Variants in SCLT1 observed in about 807,000 individuals in gnomAD.
SCLT1 encodes sodium channel and clathrin linker 1, also known as sodium channel-associated protein 1.
In SCLT1, 78 loss-of-function variants were observed where a neutral mutation model predicts 112.8. That is an observed-to-expected ratio of 0.69 (90% CI 0.58 to 0.83). The LOEUF (loss-of-function observed/expected upper bound fraction) is 0.83. Ranked by LOEUF, SCLT1 falls within the 40% of genes least tolerant of loss-of-function variation. The pLI, the probability that SCLT1 is intolerant of heterozygous loss-of-function variation, is 0.00. For synonymous variants in SCLT1, 257 were observed against 254.7 expected (o/e 1.01, Z -0.09); for missense variants, 747 against 770.4 (o/e 0.97, Z 0.36).
At chr4:128,982,470 T>C (rs562733418) in intron 9 of SCLT1, among the ~76,000 whole-genome samples, 1 of 152,280 alleles carries the variant, frequency 6.6e-6, no homozygotes, top group South Asian at 2.1e-4. Flanking sequence ...ATAATATCTA[T>C]GTCTGTTAAT....
chr4:128,893,483 G>T (rs910707737), intron 18 of SCLT1, among the ~76,000 whole-genome samples: 3 of 152,148 alleles, frequency 2.0e-5, no homozygotes, highest in Non-Finnish European at 2.9e-5. Flanking sequence ...AATGTGCCAG[G>T]CACTGTTCTA....
intron 18 of SCLT1, among the ~76,000 whole-genome samples, chr4:128,905,998 G>A (rs934639650): frequency 6.6e-6 from 1 of 152,082 alleles, no homozygotes; most frequent in African/African-American, 2.4e-5. Flanking sequence ...CTCCTAAGGA[G>A]AAGCTACATT....
At chr4:129,049,133 T>C (rs1395420250) in intron 2 of SCLT1, among the ~76,000 whole-genome samples, 1 of 151,930 alleles carries the variant, frequency 6.6e-6, no homozygotes, top group Non-Finnish European at 1.5e-5. Flanking sequence ...TTACTGGGTA[T>C]ATACCCAAAG....
intron 17 of SCLT1, 47 bp from the exon 18 acceptor site, chr4:128,936,898 T>C: frequency 1.2e-6 from 1 of 852,266 alleles, no homozygotes; most frequent in Non-Finnish European, 1.7e-6. Context: ...TTCTTATAGG[T>C]GCTATACAGA....
At chr4:128,936,616 C>T (rs764842179) in intron 18 of SCLT1, 39 bp downstream of exon 18, 4 of 1,297,592 alleles carry the variant, frequency 3.1e-6, no homozygotes, top group Non-Finnish European at 3.2e-6. Flanking sequence ...TAAAGAATTT[C>T]TTCTGTAAAA....
intron 2 of SCLT1, among the ~76,000 whole-genome samples, chr4:129,050,158 G>C (rs1215151845): frequency 6.6e-6 from 1 of 152,142 alleles, no homozygotes; most frequent in African/African-American, 2.4e-5. Context: ...ATTTGGGTTG[G>C]TTCCAAGTCT....
At position 129,042,308 on chromosome 4, in the gene SCLT1, A is replaced by T. The variant is rs373735058; in HGVS notation, c.234+1087T>A. Among the ~76,000 whole-genome samples the T allele has an allele frequency of 3.9e-5, 6 of 152,330 alleles. No individual in the cohort carries two copies. The East Asian group carries it at 1.2e-3, about 29-fold the overall frequency. Reference sequence around the variant, plus strand: ...AAATTCTAGGGGAAAATGTTAAAAGACATTTTCAGATCAAAGAAACACATT... The same window carrying T: ...AAATTCTAGGGGAAAATGTTAAAAGTCATTTTCAGATCAAAGAAACACATT... On this transcript the variant is annotated intron_variant, in intron 4 of 20. Coordinates refer to ENST00000281142, the MANE Select transcript of SCLT1 (RefSeq NM_144643.4).
chr4:129,008,175 T>A (rs1240141725), intron 5 of SCLT1, among the ~76,000 whole-genome samples: 1 of 152,220 alleles, frequency 6.6e-6, no homozygotes. Flanking sequence ...AACTTTATTC[T>A]AGGATGATTT....
chr4:129,076,309 CTA>C (rs1244540520), intron 2 of SCLT1, among the ~76,000 whole-genome samples: 2 of 152,088 alleles, frequency 1.3e-5, no homozygotes, highest in African/African-American at 4.8e-5. Flanking sequence ...TATATTTAGA[CTA>C]TGATGTTTTT....
At chr4:129,004,740 A>G (rs1743842317) in intron 5 of SCLT1, among the ~76,000 whole-genome samples, 1 of 151,894 alleles carries the variant, frequency 6.6e-6, no homozygotes, top group Admixed American at 6.6e-5. Flanking sequence ...TTGAAACAAG[A>G]AAACTTAAAT....
intron 18 of SCLT1, among the ~76,000 whole-genome samples, chr4:128,914,091 C>G (rs969959926): frequency 6.6e-6 from 1 of 152,080 alleles, no homozygotes; most frequent in South Asian, 2.1e-4. Flanking sequence ...TATTGCCGGG[C>G]GCGGTGGCTC....
At chr4:128,905,207 G>A (rs1734602431) in intron 18 of SCLT1, among the ~76,000 whole-genome samples, 1 of 152,044 alleles carries the variant, frequency 6.6e-6, no homozygotes, top group South Asian at 2.1e-4. Flanking sequence ...CCATCTACCT[G>A]GCTGCTCAAG....
chr4:128,977,638 C>T (rs28495758), intron 9 of SCLT1, among the ~76,000 whole-genome samples: 104 of 151,992 alleles, frequency 6.8e-4, no homozygotes, highest in African/African-American at 2.4e-3. Flanking sequence ...CTGAAGAAAA[C>T]TTAGGGTAGG....
intron 17 of SCLT1, among the ~76,000 whole-genome samples, chr4:128,939,935 C>G (rs968543035): frequency 6.6e-6 from 1 of 152,134 alleles, no homozygotes; most frequent in Non-Finnish European, 1.5e-5. Flanking sequence ...AGCAATTTAT[C>G]TTACAGCCTT....
At chr4:129,045,062 G>A (rs1035002988) in intron 2 of SCLT1, among the ~76,000 whole-genome samples, 2 of 151,988 alleles carry the variant, frequency 1.3e-5, no homozygotes, top group Non-Finnish European at 2.9e-5. Flanking sequence ...GTACTGGATA[G>A]CAAAACAAAA....
In SCLT1 at chr4:129,016,038, G is replaced by A. The variant is rs745630785; in HGVS notation, c.291-12162C>T. 9.3e-5 allele frequency among the ~76,000 whole-genome samples: 14 copies of A among 151,094 alleles called. No individual in the cohort carries two copies. The South Asian group carries it at 1.2e-3, about 13-fold the overall frequency. ...TAAGTTGCACTTGATTAATTATCTTGTTATGTCTCATTTCCATTGTATTTT... is the reference window on the plus strand; with the variant it reads ...TAAGTTGCACTTGATTAATTATCTTATTATGTCTCATTTCCATTGTATTTT... On this transcript the variant is annotated intron_variant, in intron 5 of 20. Transcript: ENST00000281142.
At chr4:128,985,384 AT>A (rs1464688636) in intron 9 of SCLT1, among the ~76,000 whole-genome samples, 1 of 152,146 alleles carries the variant, frequency 6.6e-6, no homozygotes, top group African/African-American at 2.4e-5. Context: ...TCACACTGTA[AT>A]TTTTTGGCCT....
At chr4:129,002,462 T>C (rs539023417) in intron 6 of SCLT1, among the ~76,000 whole-genome samples, 63 of 152,138 alleles carry the variant, frequency 4.1e-4, no homozygotes, top group Non-Finnish European at 8.8e-4. Flanking sequence ...ACTCTTAATA[T>C]TCTGAAAACA....
At chr4:128,903,204 A>G (rs1415374301) in intron 18 of SCLT1, among the ~76,000 whole-genome samples, 1 of 152,214 alleles carries the variant, frequency 6.6e-6, no homozygotes, top group South Asian at 2.1e-4. Context: ...CATATGCTAT[A>G]CTTTTATAAG....
Sources: gnomAD v4.1 joint callset for allele counts (sites outside exome capture counted in the v4.1 genomes callset) on GRCh38, gnomAD v4.1.1 for gene constraint, MANE v1.5 for transcripts, NCBI Gene and HGNC (gene_info 2026-07-23, HGNC 2026-07-21) for gene names.